The following GRIK1 variants were observed in gnomAD, a reference collection of about 807,000 sequenced individuals.
The protein encoded by GRIK1 is glutamate ionotropic receptor kainate type subunit 1, also known as glutamate receptor ionotropic, kainate 1.
In GRIK1, 69 loss-of-function variants were observed where a neutral mutation model predicts 105.7. The observed-to-expected ratio is 0.65, with a 90% confidence interval of 0.54 to 0.80. GRIK1 has a LOEUF of 0.80. Ranked by LOEUF, GRIK1 falls within the 30% of genes least tolerant of loss-of-function variation. GRIK1 has a pLI of 0.00. For missense variants in GRIK1, 1,109 were observed against 1,167.3 expected (o/e 0.95, Z 0.73); for synonymous variants, 438 against 431.3 (o/e 1.02, Z -0.19).
chr21:29,915,463 G>A (rs992789724), intron 1 of GRIK1, among the ~76,000 whole-genome samples: 1 of 151,940 alleles, frequency 6.6e-6, no homozygotes, highest in East Asian at 1.9e-4. Flanking sequence ...TAGGCACAAC[G>A]CTTTAGTATA....
intron 1 of GRIK1, among the ~76,000 whole-genome samples, chr21:29,806,856 C>T (rs75783305): frequency 0.017 from 2,520 of 152,218 alleles, 65 homozygotes; most frequent in African/African-American, 0.057. Flanking sequence ...TTTGTCTATT[C>T]TTAGTTATGT....
chr21:29,761,945 A>C (rs543460619), intron 1 of GRIK1, among the ~76,000 whole-genome samples: 1 of 151,998 alleles, frequency 6.6e-6, no homozygotes, highest in Non-Finnish European at 1.5e-5. Flanking sequence ...ACAGGGTTTC[A>C]CCCTGTTGGC....
intron 1 of GRIK1, among the ~76,000 whole-genome samples, chr21:29,722,579 TA>T (rs748557269): frequency 0.027 from 3,014 of 111,756 alleles, 71 homozygotes; most frequent in African/African-American, 0.076. Context: ...TAAATAAAAG[TA>T]AAAAAAAAAA....
At chr21:29,868,115 G>A (rs1438606893) in intron 1 of GRIK1, among the ~76,000 whole-genome samples, 3 of 152,064 alleles carry the variant, frequency 2.0e-5, no homozygotes, top group South Asian at 2.1e-4. Flanking sequence ...AAAAAAGAAG[G>A]TATGGGAAAA....
At chr21:29,801,720 C>T (rs1336322576) in intron 1 of GRIK1, among the ~76,000 whole-genome samples, 1 of 152,094 alleles carries the variant, frequency 6.6e-6, no homozygotes, top group Non-Finnish European at 1.5e-5. Flanking sequence ...AACATAAACT[C>T]TTTATAAAAC....
In GRIK1 at chr21:29,581,481, T is replaced by C. The variant is rs768571511; in HGVS notation, c.1856A>G (p.Asn619Ser). The C allele has an allele frequency of 1.2e-5, 20 of 1,613,300 alleles. No individual in the cohort carries two copies. Among genetic ancestry groups the C allele is most frequent in the Non-Finnish European group, 1.5e-5 (18 of 1,179,484 alleles). The change falls in exon 13 of 18, where the codon AAC (asparagine) becomes AGC (serine). Residue 619 changes from asparagine (N) to serine (S), a missense_variant. Coordinates refer to ENST00000327783, the MANE Select transcript of GRIK1 (RefSeq NM_001330994.2). ...GAAACTATTTAGTAAAGTAAAATTG[T>C]TTTCCACCACGTCTGAGTCAGGGTT... ...PCNPDSDVVE[N>S]NFTLLNSFWF...
chr21:29,719,187 A>G (rs534387837), intron 1 of GRIK1, among the ~76,000 whole-genome samples: 1 of 150,376 alleles, frequency 6.6e-6, no homozygotes, highest in Non-Finnish European at 1.5e-5. Flanking sequence ...TTTATATATA[A>G]TTTTATCTAG....
At chr21:29,785,949 T>C (rs2066248889) in intron 1 of GRIK1, among the ~76,000 whole-genome samples, 1 of 151,942 alleles carries the variant, frequency 6.6e-6, no homozygotes, top group Non-Finnish European at 1.5e-5. Flanking sequence ...CCCCAATCTC[T>C]GCCTTTGTCT....
At chr21:29,891,196 C>T (rs1435727802) in intron 1 of GRIK1, among the ~76,000 whole-genome samples, 1 of 152,130 alleles carries the variant, frequency 6.6e-6, no homozygotes. Context: ...GTTTGATCAT[C>T]CCTTGTGTGG....
intron 14 of GRIK1, among the ~76,000 whole-genome samples, chr21:29,572,491 C>T (rs558543992): frequency 3.9e-5 from 6 of 152,108 alleles, no homozygotes; most frequent in South Asian, 4.1e-4. Flanking sequence ...AGAAATCCAC[C>T]TCTCCCAGAG....
intron 1 of GRIK1, among the ~76,000 whole-genome samples, chr21:29,840,251 C>T (rs1484528162): frequency 2.0e-5 from 3 of 152,022 alleles, no homozygotes; most frequent in Admixed American, 1.3e-4. Flanking sequence ...GAATATATGC[C>T]TCACCAGCAA....
intron 1 of GRIK1, among the ~76,000 whole-genome samples, chr21:29,717,913 G>A (rs2064218405): frequency 6.6e-6 from 1 of 152,120 alleles, no homozygotes; most frequent in Admixed American, 6.5e-5. Flanking sequence ...ACCTTGTATT[G>A]TGGGAGGGGC....
intron 1 of GRIK1, among the ~76,000 whole-genome samples, chr21:29,747,541 A>G (rs2065076333): frequency 6.6e-6 from 1 of 152,108 alleles, no homozygotes; most frequent in Non-Finnish European, 1.5e-5. Flanking sequence ...GAAAGAATAG[A>G]AAGCATGGGC....
At chr21:29,730,668 C>T (rs918211640) in intron 1 of GRIK1, among the ~76,000 whole-genome samples, 1 of 152,080 alleles carries the variant, frequency 6.6e-6, no homozygotes, top group Admixed American at 6.6e-5. Flanking sequence ...TCTTCCTCAG[C>T]CTGCTCCATA....
chr21:29,719,599 A>ATT (rs5843400), intron 1 of GRIK1, among the ~76,000 whole-genome samples: 2 of 150,676 alleles, frequency 1.3e-5, no homozygotes, highest in African/African-American at 4.9e-5. Flanking sequence ...CACAGAGATG[A>ATT]TTTTTTTTTT....
At chr21:29,631,693 TG>T (rs1346427129) in intron 7 of GRIK1, among the ~76,000 whole-genome samples, 7 of 152,248 alleles carry the variant, frequency 4.6e-5, no homozygotes, top group Admixed American at 4.6e-4. Context: ...AAAAGACTTA[TG>T]AAAAAAAGTA....
At chr21:29,854,106 C>A (rs2068387843) in intron 1 of GRIK1, among the ~76,000 whole-genome samples, 1 of 152,066 alleles carries the variant, frequency 6.6e-6, no homozygotes, top group South Asian at 2.1e-4. Context: ...GCAGGCTGTA[C>A]AAGAAGCATG....
In GRIK1 at chr21:29,665,004, T is replaced by C. The variant is rs2063032970; in HGVS notation, c.726+7979A>G. 2.6e-5 allele frequency among the ~76,000 whole-genome samples: 4 copies of C among 152,310 alleles called. No homozygotes were observed. In the South Asian group the frequency reaches 8.3e-4, roughly 32 times the overall value. The stretch of plus-strand genomic sequence containing the variant: ...TTAACAGTTTCTTCTAAAGTTCCCC[T>C]GCTTCCACTGCAAGGAAAATTTTTC... On this transcript the variant is annotated intron_variant, in intron 4 of 17. Transcript: ENST00000327783.
At chr21:29,601,173 C>T in intron 7 of GRIK1, 1 of 494,006 alleles carries the variant, frequency 2.0e-6, no homozygotes, top group South Asian at 1.4e-5. Context: ...TCATGTAGAG[C>T]CTGAAAAGAA....
Sources: gnomAD v4.1 joint callset for allele counts (sites outside exome capture counted in the v4.1 genomes callset) on GRCh38, gnomAD v4.1.1 for gene constraint, MANE v1.5 for transcripts, NCBI Gene and HGNC (gene_info 2026-07-23, HGNC 2026-07-21) for gene names.